Variants in CLIC5 observed in about 807,000 individuals in gnomAD.
CLIC5 encodes chloride intracellular channel protein 5.
CLIC5 carries 20 observed loss-of-function variants against 24.7 expected under a neutral mutation model. The observed-to-expected ratio is 0.81, with a 90% CI of 0.57 to 1.18. The LOEUF is 1.18. CLIC5 is among the 50% of genes most tolerant of loss of function. CLIC5 has a pLI of 0.00. For synonymous variants in CLIC5, 159 were observed against 135.6 expected, an observed-to-expected ratio of 1.17 and a Z score of -1.20; for missense variants, 341 against 326.1, an observed-to-expected ratio of 1.05 and a Z score of -0.35.
At chr6:46,090,257 G>T in the CLIC5 span, among the ~76,000 whole-genome samples, 18 of 152,286 alleles carry the variant, frequency 1.2e-4, no homozygotes, top group East Asian at 3.5e-3. Flanking sequence ...TCACCTTCAG[G>T]ATTTGAAAAC....
intron 1 of CLIC5, among the ~76,000 whole-genome samples, chr6:45,986,254 C>T (rs1765733750): frequency 6.6e-6 from 1 of 152,176 alleles, no homozygotes; most frequent in South Asian, 2.1e-4. Context: ...TTGATTTCCC[C>T]AGCATCACTG....
chr6:46,079,816 T>A, exon 1 of CLIC5: 1 of 1,552,230 alleles, frequency 6.4e-7, no homozygotes, highest in Non-Finnish European at 8.7e-7. Context: ...CTGTGCTGAA[T>A]GGTGAAGCTT....
chr6:46,083,238 T>C (rs78462335), upstream of CLIC5, among the ~76,000 whole-genome samples: 397 of 152,360 alleles, frequency 2.6e-3, 10 homozygotes, highest in East Asian at 0.06. Context: ...TTCTGAGCCA[T>C]TAATTTTTTG....
chr6:46,059,300 G>T (rs192985015), intron 1 of CLIC5, among the ~76,000 whole-genome samples: 1 of 152,186 alleles, frequency 6.6e-6, no homozygotes, highest in Non-Finnish European at 1.5e-5. Flanking sequence ...CATTGCATAC[G>T]GTTGTACACA....
intron 5 of CLIC5, among the ~76,000 whole-genome samples, chr6:45,909,586 A>C (rs1379636768): frequency 6.6e-6 from 1 of 152,190 alleles, no homozygotes; most frequent in Non-Finnish European, 1.5e-5. Flanking sequence ...TTTCTTTAAG[A>C]ATGCTGAAAA....
the CLIC5 span, among the ~76,000 whole-genome samples, chr6:46,088,161 C>CTGTGTGTGTGTGTGTGTGTG: frequency 4.1e-5 from 6 of 146,340 alleles, no homozygotes; most frequent in Admixed American, 6.8e-5. Flanking sequence ...CGCTCTCTTT[C>CTGTGTGTGTGTGTGTGTGTG]TGTGTGTGTG....
intron 1 of CLIC5, among the ~76,000 whole-genome samples, chr6:45,960,589 T>C (rs1376771943): frequency 6.6e-6 from 1 of 152,136 alleles, no homozygotes; most frequent in African/African-American, 2.4e-5. Flanking sequence ...TGGCACCTCA[T>C]AGCCTCAGCC....
At chr6:45,934,742 G>C (rs1561945232) in intron 4 of CLIC5, among the ~76,000 whole-genome samples, 1 of 152,212 alleles carries the variant, frequency 6.6e-6, no homozygotes, top group Non-Finnish European at 1.5e-5. Flanking sequence ...CAGCTAAAAA[G>C]AAAAGGGGCA....
chr6:46,111,711 A>T, the CLIC5 span, among the ~76,000 whole-genome samples: 1 of 152,188 alleles, frequency 6.6e-6, no homozygotes, highest in Admixed American at 6.6e-5. Flanking sequence ...TTTCAAAGTA[A>T]GGTGATATGG....
the CLIC5 span, among the ~76,000 whole-genome samples, chr6:46,100,621 A>C: frequency 1.3e-5 from 2 of 152,220 alleles, no homozygotes; most frequent in African/African-American, 4.8e-5. Flanking sequence ...CATGAACATC[A>C]TTGTATTCTA....
At chr6:46,027,265 C>T (rs984732497) in intron 1 of CLIC5, among the ~76,000 whole-genome samples, 3 of 152,162 alleles carry the variant, frequency 2.0e-5, no homozygotes, top group African/African-American at 7.2e-5. Flanking sequence ...GGGAAGGCCT[C>T]TCTGAAGTGA....
chr6:45,964,151 C>T (rs903670838), intron 1 of CLIC5, among the ~76,000 whole-genome samples: 1 of 152,190 alleles, frequency 6.6e-6, no homozygotes, highest in Non-Finnish European at 1.5e-5. Flanking sequence ...TGTTTCTGCT[C>T]ACTAGCCCAG....
At chr6:45,881,454 G>T (rs1340689818) in intron 6 of CLIC5, among the ~76,000 whole-genome samples, 1 of 152,080 alleles carries the variant, frequency 6.6e-6, no homozygotes, top group African/African-American at 2.4e-5. Context: ...CCTTCCGGCG[G>T]CAGATTCTCC....
intron 4 of CLIC5, among the ~76,000 whole-genome samples, chr6:45,940,700 C>A (rs78218020): frequency 0.021 from 3,217 of 152,286 alleles, 126 homozygotes; most frequent in African/African-American, 0.074. Flanking sequence ...CCTGTCATCC[C>A]ATTCTGAGGG....
At chr6:46,018,945 G>A (rs1480159931), upstream of CLIC5, 4 of 152,054 alleles carry the variant, frequency 2.6e-5, no homozygotes. Context: ...AAAGGGTAAA[G>A]GGCAAGGAAT....
chr6:46,026,308 G>C (rs1462058635), intron 1 of CLIC5, among the ~76,000 whole-genome samples: 1 of 152,108 alleles, frequency 6.6e-6, no homozygotes, highest in Non-Finnish European at 1.5e-5. Context: ...GCTGTTTTCT[G>C]TTTCCATATA....
intron 1 of CLIC5, among the ~76,000 whole-genome samples, chr6:45,994,527 G>A (rs754214408): frequency 5.3e-5 from 8 of 152,052 alleles, no homozygotes; most frequent in African/African-American, 7.2e-5. Flanking sequence ...CAGAGGATGG[G>A]TCAATAGTTG....
intron 1 of CLIC5, among the ~76,000 whole-genome samples, chr6:46,006,835 C>T (rs1766603313): frequency 6.6e-6 from 1 of 151,748 alleles, no homozygotes; most frequent in Admixed American, 6.6e-5. Flanking sequence ...GCCACCACAC[C>T]CGGCTAATTT....
rs1261963366 is a variant in CLIC5, at chr6:45,955,149, A to G, written c.159T>C (p.Thr53=). 1.9e-6 allele frequency: 3 copies of G among 1,612,294 alleles called. No individual in the cohort carries two copies. Among genetic ancestry groups the G allele is most frequent in the Admixed American group, 1.7e-5 (1 of 59,998 alleles). The change falls in exon 2 of 6, where the codon ACT becomes ACC. Residue 53 remains threonine (T), a synonymous_variant. Coordinates refer to ENST00000339561, the MANE Select transcript of CLIC5 (RefSeq NM_016929.5). ...ACGTACGTTACCTTTTCAGATCCAC[A>G]GTGGTGACATTGAACACGACTCCTT... ...WLKGVVFNVT[T]VDLKRKPADL...
Sources: gnomAD v4.1 joint callset for allele counts (sites outside exome capture counted in the v4.1 genomes callset) on GRCh38, gnomAD v4.1.1 for gene constraint, MANE v1.5 for transcripts, NCBI Gene and HGNC (gene_info 2026-07-23, HGNC 2026-07-21) for gene names.